The following KLK1 variants were observed in gnomAD, a reference collection of about 807,000 sequenced individuals.
The protein encoded by KLK1 is kallikrein-1.
In KLK1, 22 loss-of-function variants were observed where a neutral mutation model predicts 23.3. The observed-to-expected ratio is 0.95, with a 90% CI of 0.68 to 1.35. KLK1 has a LOEUF of 1.35. Ranked by LOEUF, KLK1 falls within the 40% of genes most tolerant of loss-of-function variation. The pLI, the probability that KLK1 is intolerant of heterozygous loss-of-function variation, is 0.00. For synonymous variants in KLK1, 140 were observed against 135.8 expected (o/e 1.03, Z -0.21); for missense variants, 301 against 338.9 (o/e 0.89, Z 0.88).
At position 50,820,391 on chromosome 19, in the gene KLK1, CTG is replaced by C. The variant is rs2089819056; in HGVS notation, c.257_258del (p.Thr86SerfsTer8). The C allele has an allele frequency of 6.2e-7, 1 of 1,611,466 alleles. No individual in the cohort carries two copies. The highest frequency in any genetic ancestry group is 8.5e-7 in the Non-Finnish European group (1 of 1,179,248). ...GRHNLFDDEN[T>X]AQFVHVSESF... Reference sequence around the variant, plus strand: ...CTCTCACTGACATGAACAAACTGGGCTGTGTTTTCGTCGTCAAACAAGTTGTG... The same window carrying C: ...CTCTCACTGACATGAACAAACTGGGCTGTTTTCGTCGTCAAACAAGTTGTG... On this transcript the variant is annotated frameshift_variant, in exon 3 of 5. Transcript: ENST00000301420. LOFTEE classifies it high-confidence loss of function.
chr19:50,823,605 GGTGGGGTGTTGGA>G, intron 1 of KLK1, 85 bp downstream of exon 1: 1 of 756,582 alleles, frequency 1.3e-6, no homozygotes, highest in Non-Finnish European at 2.3e-6. Context: ...GAGGGATGAG[GGTGGGGTGTTGGA>G]GGGGAAGGTC....
In KLK1 at chr19:50,820,418, G is replaced by A. The variant is rs1390727376; in HGVS notation, c.232C>T (p.His78Tyr). The A allele has an allele frequency of 6.2e-7, 1 of 1,612,168 alleles. No homozygotes were observed. Among genetic ancestry groups the A allele is most frequent in the South Asian group, 1.1e-5 (1 of 90,852 alleles). ...SDNYQLWLGR[H>Y]NLFDDENTAQ... ...GTGTTTTCGTCGTCAAACAAGTTGT[G>A]GCGACCCAGCCAGAGCTGGTAATTG... Residue 78 changes from histidine to tyrosine, a missense_variant, in exon 3 of 5, where the codon CAC (histidine) becomes TAC (tyrosine). Physicochemically the swap from His to Tyr is moderately conservative, Grantham distance 83 (BLOSUM62 2). Coordinates refer to ENST00000301420, the MANE Select transcript of KLK1 (RefSeq NM_002257.4).
At position 50,820,292 on chromosome 19, in the gene KLK1, C is replaced by T. The variant is rs1235546319; in HGVS notation, c.358G>A (p.Asp120Asn). The change falls in exon 3 of 5, where the codon GAC (aspartate) becomes AAC (asparagine). Residue 120 changes from aspartate to asparagine, a missense_variant. Physicochemically the swap from Asp to Asn is conservative, Grantham distance 23. Transcript: ENST00000301420. ...TCTGTCAGGCGGAGCAGCATGAGGT[C>T]GTGGCTGTAGTCCTCGTCTGCTTGG... ...TRQADEDYSH[D>N]LMLLRLTEPA... The T allele has an allele frequency of 5.0e-6, 8 of 1,613,870 alleles. No homozygotes were observed. The highest frequency in any genetic ancestry group is 4.4e-5 in the South Asian group (4 of 91,072).
rs761980515 is a variant in KLK1 at position 50,819,899 on chromosome 19, C to G, written c.633G>C (p.Val211=). ...GACCCTGGGGGCAGGGCTGCCTCACCACACAGGTGTCTTTGCCACCTTCCA... is the reference window on the plus strand; with the variant it reads ...GACCCTGGGGGCAGGGCTGCCTCACGACACAGGTGTCTTTGCCACCTTCCA... The part of the protein sequence containing the change: ...GHLEGGKDTC[V]GDSGGPLMCD... The change falls in exon 4 of 5, where the codon GTG becomes GTC. Residue 211 remains valine, a splice_region_variant and synonymous_variant. Coordinates refer to ENST00000301420, the MANE Select transcript of KLK1 (RefSeq NM_002257.4). 1.9e-6 allele frequency: 3 copies of G among 1,613,886 alleles called. No homozygotes were observed. Among genetic ancestry groups the G allele is most frequent in the Non-Finnish European group, 2.5e-6 (3 of 1,179,936 alleles).
rs750150792 is a variant in KLK1, at chr19:50,820,171, C to A, written c.479G>T (p.Ser160Ile). The change falls in exon 3 of 5, where the codon AGC (serine) becomes ATC (isoleucine). Residue 160 changes from serine to isoleucine, a missense_variant. Transcript: ENST00000301420. Reference sequence around the variant, plus strand: ...CCACATACAATTCTCTGGTTCGATGCTGCCCCAGCCGGAAGCCAAACAGGT... The same window carrying A: ...CCACATACAATTCTCTGGTTCGATGATGCCCCAGCCGGAAGCCAAACAGGT... ...GSTCLASGWG[S>I]IEPENFSFPD... is the part of the protein sequence containing the mutation. 6.2e-7 allele frequency: 1 copy of A among 1,602,890 alleles called. No individual in the cohort carries two copies. Among genetic ancestry groups the A allele is most frequent in the Non-Finnish European group, 8.5e-7 (1 of 1,172,480 alleles).
At position 50,821,744 on chromosome 19, in the gene KLK1, C is replaced by T. The variant is rs781304649; in HGVS notation, c.174G>A (p.Gln58=). The T allele has an allele frequency of 1.2e-6, 2 of 1,613,736 alleles. No homozygotes were observed. Among genetic ancestry groups the T allele is most frequent in the East Asian group, 2.2e-5 (1 of 44,876 alleles). The change falls in exon 2 of 5, where the codon CAG becomes CAA. Residue 58 remains glutamine, a synonymous_variant. Transcript: ENST00000301420. The surrounding 1 kb of genome is among the most constrained non-coding windows in gnomAD (Gnocchi z 5.6). Reference sequence around the variant, plus strand: ...TGCAATGAGCAGCTGTGAGCACCCACTGGCGGTGCACCAGGATGCCCCCAC... The same window carrying T: ...TGCAATGAGCAGCTGTGAGCACCCATTGGCGGTGCACCAGGATGCCCCCAC... ...FQCGGILVHR[Q]WVLTAAHCIS...
Position 50,820,170 on chromosome 19 carries a change from G to C in KLK1, c.480C>G (p.Ser160Arg). ...CCCACATACAATTCTCTGGTTCGAT[G>C]CTGCCCCAGCCGGAAGCCAAACAGG... ...GSTCLASGWG[S>R]IEPENFSFPD... Residue 160 changes from serine (S) to arginine (R), a missense_variant, in exon 3 of 5, where the codon AGC becomes AGG. Transcript: ENST00000301420. 6.2e-7 allele frequency: 1 copy of C among 1,603,328 alleles called. No individual in the cohort carries two copies. Among genetic ancestry groups the C allele is most frequent in the Non-Finnish European group, 8.5e-7 (1 of 1,172,758 alleles).
chr19:50,821,476 A>G lies in KLK1; in HGVS notation c.206+236T>C, dbSNP rs2089828162. Among the ~76,000 whole-genome samples, 3 of 152,064 alleles carry G rather than the reference A, an allele frequency of 2.0e-5. No homozygotes were observed. The highest frequency in any genetic ancestry group is 7.2e-5 in the African/African-American group (3 of 41,396). On this transcript the variant is annotated intron_variant, in intron 2 of 4. Coordinates refer to ENST00000301420, the MANE Select transcript of KLK1 (RefSeq NM_002257.4). The surrounding 1 kb of genome is among the most constrained non-coding windows in gnomAD (Gnocchi z 5.6). ...GGAGACAGAGGAGAGAGAGGAAGAC[A>G]GAGACCAGAACACAGTCACACAGAG...
Position 50,821,739 on chromosome 19 carries a change from ACCCACTGGCGGTGCACCAGGATGCC to A in KLK1, c.154_178del (p.Gly52CysfsTer44). On this transcript the variant is annotated frameshift_variant, in exon 2 of 5. Coordinates refer to ENST00000301420, the MANE Select transcript of KLK1 (RefSeq NM_002257.4). LOFTEE classifies it high-confidence loss of function. This position sits in a 1 kb window ranked among gnomAD's most constrained non-coding sequence, Gnocchi z 5.6. ...GCTGATGCAATGAGCAGCTGTGAGC[ACCCACTGGCGGTGCACCAGGATGCC>A]CCCACACTGGAAAGTGCTGAAATGG... 1 of 1,613,410 alleles carries A rather than the reference ACCCACTGGCGGTGCACCAGGATGCC, an allele frequency of 6.2e-7. No homozygotes were observed. Among genetic ancestry groups the A allele is most frequent in the East Asian group, 2.2e-5 (1 of 44,858 alleles).
rs770488383 is a variant in KLK1 at position 50,821,666 on chromosome 19, G to C, written c.206+46C>G. 6.5e-7 allele frequency: 1 copy of C among 1,528,876 alleles called. No individual in the cohort carries two copies. Among genetic ancestry groups the C allele is most frequent in the East Asian group, 2.3e-5 (1 of 43,212 alleles). The allele number at this position is 1,528,876 out of a possible 1,614,324, so 94.7% of individuals were successfully genotyped here. On this transcript the variant is annotated intron_variant, in intron 2 of 4. Coordinates refer to ENST00000301420, the MANE Select transcript of KLK1 (RefSeq NM_002257.4). This position sits in a 1 kb window ranked among gnomAD's most constrained non-coding sequence, Gnocchi z 5.6. ...GGAATGCCACTGGCCTGTCAATCCT[G>C]TGGCAGCATAGATGCCCTCCTCCCA...
Position 50,820,049 on chromosome 19 carries a change from A to G in KLK1, c.497-14T>C. On this transcript the variant is annotated splice_polypyrimidine_tract_variant and intron_variant, in intron 3 of 4. Transcript: ENST00000301420. Reference sequence around the variant, plus strand: ...CTGGAAATGAGACTACGAACCCGGGAGAAAAAGGGCTGCAGCCCGACCTCA... The same window carrying G: ...CTGGAAATGAGACTACGAACCCGGGGGAAAAAGGGCTGCAGCCCGACCTCA... 6.2e-7 allele frequency: 1 copy of G among 1,613,960 alleles called. No homozygotes were observed. Among genetic ancestry groups the G allele is most frequent in the East Asian group, 2.2e-5 (1 of 44,872 alleles).
In KLK1 at chr19:50,823,766, G is replaced by T; in HGVS notation, c.-18C>A. The T allele has an allele frequency of 6.2e-7, 1 of 1,606,906 alleles. No homozygotes were observed. Among genetic ancestry groups the T allele is most frequent in the Non-Finnish European group, 8.5e-7 (1 of 1,174,984 alleles). On this transcript the variant is annotated 5_prime_UTR_variant, in exon 1 of 5. It adds an upstream start codon to the 5' untranslated region. Transcript: ENST00000301420. ...AACCACATGGTGACAGAGGTGTCCAGGGGCCAGCAGGTGGAGGAACTGGGG... is the reference window on the plus strand; with the variant it reads ...AACCACATGGTGACAGAGGTGTCCATGGGCCAGCAGGTGGAGGAACTGGGG...
Position 50,821,791 on chromosome 19 carries a change from A to G in KLK1, c.127T>C (p.Tyr43His). The change falls in exon 2 of 5, where the codon TAC becomes CAC. Residue 43 changes from tyrosine to histidine, a missense_variant. Tyr to His is a moderately conservative substitution (Grantham distance 83). Transcript: ENST00000301420. This position sits in a 1 kb window ranked among gnomAD's most constrained non-coding sequence, Gnocchi z 5.6. ...CCACACTGGAAAGTGCTGAAATGGT[A>G]CAGAGCCGCCTGCCAGGGCTGGGAA... is the stretch of plus-strand genomic sequence containing the variant. ...QHSQPWQAALYHFSTFQCGGI... is the reference protein window; with the variant it reads ...QHSQPWQAALHHFSTFQCGGI... The G allele has an allele frequency of 6.2e-7, 1 of 1,613,986 alleles. No individual in the cohort carries two copies. The highest frequency in any genetic ancestry group is 1.3e-5 in the African/African-American group (1 of 75,042).
Position 50,819,155 on chromosome 19 carries a change from C to T in KLK1, c.*39G>A, listed in dbSNP as rs2089804004. ...CAGAACGTGACACACATTGGATGCA[C>T]ATTTGATTTTACTGGGGGTAGGGGA... is the stretch of plus-strand genomic sequence containing the variant. On this transcript the variant is annotated 3_prime_UTR_variant, in exon 5 of 5. Transcript: ENST00000301420. 6.4e-7 allele frequency: 1 copy of T among 1,570,366 alleles called. No homozygotes were observed. The highest frequency in any genetic ancestry group is 8.7e-7 in the Non-Finnish European group (1 of 1,148,188).
Position 50,823,723 on chromosome 19 carries a change from G to A in KLK1, c.26C>T (p.Ala9Val), listed in dbSNP as rs747457720. 7 of 1,610,818 alleles carry A rather than the reference G, an allele frequency of 4.3e-6. No individual in the cohort carries two copies. The highest frequency in any genetic ancestry group is 1.1e-5 in the South Asian group (1 of 90,826). Reference sequence around the variant, plus strand: ...CTCACCAGTCCCCCCCAGGGACAGGGCGAGGCACAGAACCAGGAACCACAT... The same window carrying A: ...CTCACCAGTCCCCCCCAGGGACAGGACGAGGCACAGAACCAGGAACCACAT... The part of the protein sequence containing the change: MWFLVLCL[A>V]LSLGGTGAAP... Residue 9 changes from alanine to valine, a missense_variant, in exon 1 of 5, where the codon GCC (alanine) becomes GTC (valine). Coordinates refer to ENST00000301420, the MANE Select transcript of KLK1 (RefSeq NM_002257.4).
Position 50,821,884 on chromosome 19 carries a change from T to C in KLK1, c.47-13A>G. On this transcript the variant is annotated splice_polypyrimidine_tract_variant and intron_variant, in intron 1 of 4. Coordinates refer to ENST00000301420, the MANE Select transcript of KLK1 (RefSeq NM_002257.4). This position sits in a 1 kb window ranked among gnomAD's most constrained non-coding sequence, Gnocchi z 5.6. Reference sequence around the variant, plus strand: ...GGGGGCGCAGCACCTGCAGAGGCGGTGCTGGGTCAGGAAGGGCAGGGTTGG... The same window carrying C: ...GGGGGCGCAGCACCTGCAGAGGCGGCGCTGGGTCAGGAAGGGCAGGGTTGG... 1 of 1,597,488 alleles carries C rather than the reference T, an allele frequency of 6.3e-7. No individual in the cohort carries two copies. The highest frequency in any genetic ancestry group is 8.5e-7 in the Non-Finnish European group (1 of 1,169,608).
At chr19:50,820,102 G>A (rs939923127) in intron 3 of KLK1, 52 bp downstream of exon 3, 6 of 1,606,398 alleles carry the variant, frequency 3.7e-6, no homozygotes, top group Non-Finnish European at 5.1e-6. Context: ...TTCTCCCTTG[G>A]ACGCAGGAGT....
rs1307589673 is a variant in KLK1, at chr19:50,820,168, A to C, written c.482T>G (p.Ile161Ser). Residue 161 changes from isoleucine (I) to serine (S), a missense_variant, in exon 3 of 5, where the codon ATC (isoleucine) becomes AGC (serine). By Grantham distance (142) the Ile-to-Ser change is moderately radical (BLOSUM62 -2). Coordinates refer to ENST00000301420, the MANE Select transcript of KLK1 (RefSeq NM_002257.4). ...STCLASGWGS[I>S]EPENFSFPDD... ...CCCCCACATACAATTCTCTGGTTCG[A>C]TGCTGCCCCAGCCGGAAGCCAAACA... 1 of 1,602,712 alleles carries C rather than the reference A, an allele frequency of 6.2e-7. No individual in the cohort carries two copies. Among genetic ancestry groups the C allele is most frequent in the Non-Finnish European group, 8.5e-7 (1 of 1,172,528 alleles).
At chr19:50,820,565 G>A (rs2089821166) in intron 2 of KLK1, 122 bp from the exon 3 acceptor site, 1 of 695,458 alleles carries the variant, frequency 1.4e-6, no homozygotes, top group Admixed American at 2.7e-5. Flanking sequence ...GGTGGGCGGA[G>A]ACAGAGGAAG....
Sources: gnomAD v4.1 joint callset for allele counts (sites outside exome capture counted in the v4.1 genomes callset) on GRCh38, gnomAD v4.1.1 for gene constraint, Gnocchi (gnomAD v3.1) non-coding constraint, MANE v1.5 for transcripts, NCBI Gene and HGNC (gene_info 2026-07-23, HGNC 2026-07-21) for gene names.